Variants in CEP112 observed in about 807,000 individuals in gnomAD.
CEP112 encodes the protein centrosomal protein 112.
In CEP112, 127 loss-of-function variants were observed where a neutral mutation model predicts 153.0. The ratio of observed to expected loss-of-function variants is 0.83; its 90% CI spans 0.72 to 0.96. The LOEUF (loss-of-function observed/expected upper bound fraction) is 0.96, where lower values mean the gene tolerates loss of function less well. Among genes scored for constraint, CEP112 ranks in the 40% least tolerant of loss-of-function variants. The pLI, the probability that CEP112 is intolerant of heterozygous loss-of-function variation, is 0.00. For missense variants in CEP112, 1,089 were observed against 1,101.2 expected, an observed-to-expected ratio of 0.99 and a Z score of 0.16; for synonymous variants, 358 against 374.4, an observed-to-expected ratio of 0.96 and a Z score of 0.51.
intron 21 of CEP112, among the ~76,000 whole-genome samples, chr17:65,829,574 T>C (rs2056995113): frequency 1.3e-5 from 2 of 152,334 alleles, no homozygotes; most frequent in Non-Finnish European, 2.9e-5. Context: ...AGTTTGGTTC[T>C]AAGTGCATAA....
intron 6 of CEP112, 123 bp downstream of exon 6, chr17:66,129,621 CCA>C (rs2146520182): frequency 1.6e-6 from 1 of 621,706 alleles, no homozygotes; most frequent in South Asian, 2.5e-5. Flanking sequence ...CTTCTCAAGG[CCA>C]CACAGTAACA....
At chr17:65,677,189 T>G (rs1430981928) in intron 24 of CEP112, among the ~76,000 whole-genome samples, 1 of 152,228 alleles carries the variant, frequency 6.6e-6, no homozygotes, top group Admixed American at 6.5e-5. Flanking sequence ...TGTCTGTAAA[T>G]CTCACATACA....
chr17:66,081,556 G>C (rs1341261526), intron 8 of CEP112, among the ~76,000 whole-genome samples: 1 of 151,594 alleles, frequency 6.6e-6, no homozygotes, highest in Non-Finnish European at 1.5e-5. Context: ...GTCAATAACT[G>C]TGGCTTTCTT....
intron 23 of CEP112, among the ~76,000 whole-genome samples, chr17:65,739,328 T>C (rs1310658745): frequency 6.6e-6 from 1 of 152,236 alleles, no homozygotes; most frequent in Admixed American, 6.5e-5. Context: ...GCAGTGGTGA[T>C]AATTCTTTTG....
intron 21 of CEP112, among the ~76,000 whole-genome samples, chr17:65,787,525 T>C (rs1369881767): frequency 1.3e-5 from 2 of 152,198 alleles, no homozygotes; most frequent in African/African-American, 4.8e-5. Flanking sequence ...AGGAATTGCA[T>C]TAAATCTATA....
chr17:65,920,382 T>C (rs1387174962), intron 19 of CEP112, among the ~76,000 whole-genome samples: 3 of 101,166 alleles, frequency 3.0e-5, no homozygotes, highest in Non-Finnish European at 5.9e-5. Context: ...TATATATATA[T>C]ATATATATAT....
chr17:65,998,257 C>T (rs2063865519), intron 17 of CEP112, among the ~76,000 whole-genome samples: 2 of 151,628 alleles, frequency 1.3e-5, no homozygotes, highest in African/African-American at 4.8e-5. Flanking sequence ...GTGGCACATG[C>T]CTGTGGTCCC....
At chr17:65,861,454 G>T (rs1440678432) in intron 20 of CEP112, among the ~76,000 whole-genome samples, 4 of 152,108 alleles carry the variant, frequency 2.6e-5, no homozygotes, top group African/African-American at 7.2e-5. Flanking sequence ...ACACAAGAAA[G>T]AGAATGAAAA....
intron 21 of CEP112, among the ~76,000 whole-genome samples, chr17:65,815,072 T>C (rs116288498): frequency 0.011 from 1,679 of 152,248 alleles, 28 homozygotes; most frequent in African/African-American, 0.038. Flanking sequence ...TAGTTCATAA[T>C]TTCTGAGTCC....
chr17:65,979,473 C>T (rs2063153422), intron 17 of CEP112, among the ~76,000 whole-genome samples: 1 of 152,046 alleles, frequency 6.6e-6, no homozygotes, highest in Admixed American at 6.6e-5. Context: ...CTCCTGGCCT[C>T]AAGCAATCCT....
intron 23 of CEP112, among the ~76,000 whole-genome samples, chr17:65,726,674 A>G (rs1401796763): frequency 6.6e-6 from 1 of 152,208 alleles, no homozygotes; most frequent in Non-Finnish European, 1.5e-5. Flanking sequence ...TCTAAATTCA[A>G]TTTAGTCATA....
intron 4 of CEP112, among the ~76,000 whole-genome samples, chr17:66,138,505 T>C (rs1380274084): frequency 1.3e-5 from 2 of 152,222 alleles, no homozygotes; most frequent in Non-Finnish European, 2.9e-5. Context: ...GATGGTTTCA[T>C]ACCACAAAAT....
intron 21 of CEP112, among the ~76,000 whole-genome samples, chr17:65,829,249 T>C (rs2056977643): frequency 6.6e-6 from 1 of 152,220 alleles, no homozygotes; most frequent in Non-Finnish European, 1.5e-5. Flanking sequence ...TCTCATAATG[T>C]ATTCAATTTA....
intron 19 of CEP112, among the ~76,000 whole-genome samples, chr17:65,920,359 C>CAAAAAA (rs1555713306): frequency 6.7e-5 from 2 of 29,828 alleles, no homozygotes; most frequent in African/African-American, 2.6e-4. Context: ...AACAAACAAA[C>CAAAAAA]AAAATATATA....
chr17:65,837,422 C>G (rs2057355567), intron 21 of CEP112, among the ~76,000 whole-genome samples: 1 of 151,992 alleles, frequency 6.6e-6, no homozygotes, highest in Non-Finnish European at 1.5e-5. Flanking sequence ...GCCGCCCCAT[C>G]TGAAATGTGA....
intron 8 of CEP112, among the ~76,000 whole-genome samples, chr17:66,072,261 G>T (rs1009817059): frequency 6.6e-6 from 1 of 151,962 alleles, no homozygotes; most frequent in Non-Finnish European, 1.5e-5. Flanking sequence ...TAACCAAAGC[G>T]TGGTTATCAA....
At chr17:65,655,255 T>C (rs1281807431) in intron 24 of CEP112, 1 of 1,007,708 alleles carries the variant, frequency 9.9e-7, no homozygotes, top group Non-Finnish European at 1.6e-6. Flanking sequence ...TACGGTGATC[T>C]ATGGTGCAGA....
intron 6 of CEP112, among the ~76,000 whole-genome samples, chr17:66,121,923 C>T (rs868846219): frequency 3.9e-5 from 6 of 152,032 alleles, no homozygotes; most frequent in East Asian, 1.9e-4. Context: ...CAGACAGAGT[C>T]TCGCTCTGTC....
chr17:66,105,074 A>G (rs185729135), intron 6 of CEP112, among the ~76,000 whole-genome samples: 9 of 152,314 alleles, frequency 5.9e-5, no homozygotes, highest in Admixed American at 2.0e-4. Flanking sequence ...CTCAAAAATA[A>G]TAACTGTAAC....
Sources: allele counts gnomAD v4.1 joint callset (sites outside exome capture counted in the v4.1 genomes callset), GRCh38; gene constraint gnomAD v4.1.1; transcripts MANE v1.5; gene names NCBI Gene and HGNC (gene_info 2026-07-23, HGNC 2026-07-21).